IRX5: variants seen among roughly 807,000 people sequenced by gnomAD.
IRX5 encodes the protein iroquois homeobox 5.
In IRX5, 8 loss-of-function variants were observed where a neutral mutation model predicts 37.6. The ratio of observed to expected loss-of-function variants is 0.21; its 90% CI spans 0.12 to 0.38. The LOEUF is 0.38. Ranked by LOEUF, IRX5 falls within the 10% of genes least tolerant of loss-of-function variation. The pLI is 1.00. For missense variants in IRX5, 635 were observed against 695.2 expected (o/e 0.91, Z 0.97); for synonymous variants, 359 against 328.6 (o/e 1.09, Z -1.00).
rs1413814133 is a variant in IRX5, at chr16:54,932,310, G to A, written c.250-188G>A. Reference sequence around the variant, plus strand: ...ACCTGACCCAGAAATTGAGGTCCCCGCTGCCTTCTGAGGAGGGGGAGGAGT... The same window carrying A: ...ACCTGACCCAGAAATTGAGGTCCCCACTGCCTTCTGAGGAGGGGGAGGAGT... On this transcript the variant is annotated intron_variant, in intron 1 of 2. Coordinates refer to ENST00000394636, the MANE Select transcript of IRX5 (RefSeq NM_005853.6). The surrounding 1 kb of genome is among the most constrained non-coding windows in gnomAD (Gnocchi z 6.7). The A allele has an allele frequency of 2.9e-5, 20 of 694,870 alleles. No individual in the cohort carries two copies. Among genetic ancestry groups the A allele is most frequent in the Non-Finnish European group, 4.4e-5 (18 of 413,708 alleles). 43.0% of individuals were successfully genotyped at this position (694,870 alleles called of 1,614,324 possible).
chr16:54,932,587 C>T lies in IRX5; in HGVS notation c.339C>T (p.Asp113=). 6.2e-7 allele frequency: 1 copy of T among 1,614,060 alleles called. No individual in the cohort carries two copies. Among genetic ancestry groups the T allele is most frequent in the East Asian group, 2.2e-5 (1 of 44,846 alleles). ...AAPLGSYPYG[D]PAYRKNATRD... is the part of the protein sequence containing the mutation. Reference sequence around the variant, plus strand: ...CCCTGGGATCGTACCCTTACGGGGACCCAGCGTACCGGAAGAACGCCACAA... The same window carrying T: ...CCCTGGGATCGTACCCTTACGGGGATCCAGCGTACCGGAAGAACGCCACAA... Residue 113 remains aspartate (D), a synonymous_variant, in exon 2 of 3, where the codon GAC becomes GAT. Transcript: ENST00000394636. The surrounding 1 kb of genome is among the most constrained non-coding windows in gnomAD (Gnocchi z 6.7).
At chr16:54,931,676 G>T (rs1805532472) in intron 1 of IRX5, among the ~76,000 whole-genome samples, 1 of 152,248 alleles carries the variant, frequency 6.6e-6, no homozygotes, top group African/African-American at 2.4e-5. Context: ...GCGGGAAGGG[G>T]TTCTGTGGGG....
rs1461089848 is a variant in IRX5, at chr16:54,931,436, T to C, written c.238T>C (p.Ser80Pro). 1.9e-6 allele frequency: 3 copies of C among 1,585,772 alleles called. No individual in the cohort carries two copies. The change falls in exon 1 of 3, where the codon TCC becomes CCC. Residue 80 changes from serine (S) to proline (P), a missense_variant. Coordinates refer to ENST00000394636, the MANE Select transcript of IRX5 (RefSeq NM_005853.6). ...CGCGGCCGCCGCCGCCGCCGCCTTC[T>C]CCTCGTACGTGGTAAGTGAGCGGGA... ...DPAAAAAAAF[S>P]SYVGSPYDHT... is the part of the protein sequence containing the mutation.
chr16:54,931,983 C>G (rs1963902889), intron 1 of IRX5: 1 of 658,754 alleles, frequency 1.5e-6, no homozygotes, highest in Non-Finnish European at 2.8e-6. Flanking sequence ...GTTGTAACTT[C>G]GGTCTGGGGT....
chr16:54,932,369 C>G lies in IRX5; in HGVS notation c.250-129C>G. On this transcript the variant is annotated intron_variant, in intron 1 of 2. Coordinates refer to ENST00000394636, the MANE Select transcript of IRX5 (RefSeq NM_005853.6). This position sits in a 1 kb window ranked among gnomAD's most constrained non-coding sequence, Gnocchi z 6.7. ...GGTCTGAACCCCGCCAGCCTTGCCC[C>G]GTAGGAAGCTGGAGTGCGGGCCTCG... 1 of 1,075,682 alleles carries G rather than the reference C, an allele frequency of 9.3e-7. No homozygotes were observed. Among genetic ancestry groups the G allele is most frequent in the Non-Finnish European group, 1.3e-6 (1 of 762,424 alleles). The allele number at this position is 1,075,682 out of a possible 1,614,324, so 66.6% of individuals were successfully genotyped here. A position where few individuals can be genotyped will look rare whatever the true frequency, so the allele number is the denominator to read the frequency against.
chr16:54,934,388 A>G lies in IRX5; in HGVS notation c.*515A>G, dbSNP rs1353765290. On this transcript the variant is annotated 3_prime_UTR_variant, in exon 3 of 3. Transcript: ENST00000394636. ...TGAAAGAAACTGCAGGCGCCTTTGT[A>G]AAATGCAAAATATTTAATTAAAAGA... 1.3e-5 allele frequency: 2 copies of G among 152,676 alleles called. No homozygotes were observed. Among genetic ancestry groups the G allele is most frequent in the Non-Finnish European group, 2.9e-5 (2 of 68,050 alleles). 9.5% of individuals were successfully genotyped at this position (152,676 alleles called of 1,614,324 possible).
rs755385146 is a variant in IRX5 at position 54,933,377 on chromosome 16, C to G, written c.956C>G (p.Ser319Trp). 2 of 1,535,900 alleles carry G rather than the reference C, an allele frequency of 1.3e-6. No homozygotes were observed. The highest frequency in any genetic ancestry group is 4.0e-5 in the Admixed American group (2 of 50,144). Residue 319 changes from serine (S) to tryptophan (W), a missense_variant, in exon 3 of 3, where the codon TCG becomes TGG. Transcript: ENST00000394636. Reference protein sequence around the residue: ...PGPGGPSVIHSPPPPPPPAVL... With the variant: ...PGPGGPSVIHWPPPPPPPAVL... ...CCCGGCGGGCCCTCGGTTATCCATTCGCCGCCTCCGCCGCCGCCTCCTGCG... is the reference window on the plus strand; with the variant it reads ...CCCGGCGGGCCCTCGGTTATCCATTGGCCGCCTCCGCCGCCGCCTCCTGCG...
Position 54,931,178 on chromosome 16 carries a change from G to GC in IRX5, c.-17dup. ...CTCGTTGGCGGCCGCGGCGCGGCGCGCCCCATGCCCGTGTGTGGCCATGTC... is the reference window on the plus strand; with the variant it reads ...CTCGTTGGCGGCCGCGGCGCGGCGCGCCCCCATGCCCGTGTGTGGCCATGTC... On this transcript the variant is annotated 5_prime_UTR_variant, in exon 1 of 3. Coordinates refer to ENST00000394636, the MANE Select transcript of IRX5 (RefSeq NM_005853.6). 1 of 1,381,266 alleles carries GC rather than the reference G, an allele frequency of 7.2e-7. No homozygotes were observed. Among genetic ancestry groups the GC allele is most frequent in the Non-Finnish European group, 9.4e-7 (1 of 1,063,924 alleles). The allele number at this position is 1,381,266 out of a possible 1,614,324, so 85.6% of individuals were successfully genotyped here. A position where few individuals can be genotyped will look rare whatever the true frequency, so the allele number is the denominator to read the frequency against.
In IRX5 at chr16:54,932,093, T is replaced by A. The variant is rs1431716040; in HGVS notation, c.250-405T>A. 2 of 702,706 alleles carry A rather than the reference T, an allele frequency of 2.8e-6. No homozygotes were observed. The highest frequency in any genetic ancestry group is 5.4e-5 in the East Asian group (2 of 37,262). 43.5% of individuals were successfully genotyped at this position (702,706 alleles called of 1,614,324 possible). On this transcript the variant is annotated intron_variant, in intron 1 of 2. Coordinates refer to ENST00000394636, the MANE Select transcript of IRX5 (RefSeq NM_005853.6). The surrounding 1 kb of genome is among the most constrained non-coding windows in gnomAD (Gnocchi z 6.7). ...AAAAAAGAGCCTTGACTTCCCTTGT[T>A]TTCCCCCCTTGCGCCCAACGTGCGT...
rs866694907 is a variant in IRX5, at chr16:54,932,131, C to G, written c.250-367C>G. On this transcript the variant is annotated intron_variant, in intron 1 of 2. Coordinates refer to ENST00000394636, the MANE Select transcript of IRX5 (RefSeq NM_005853.6). The surrounding 1 kb of genome is among the most constrained non-coding windows in gnomAD (Gnocchi z 6.7). ...GCCCAACGTGCGTCCGCTCCCCCGC[C>G]GAGCGCGGAGTCGCCTCAGTTGCCC... 4.3e-5 allele frequency: 30 copies of G among 702,800 alleles called. No individual in the cohort carries two copies. Among genetic ancestry groups the G allele is most frequent in the African/African-American group, 4.2e-4 (24 of 57,266 alleles). The allele number at this position is 702,800 out of a possible 1,614,324, so 43.5% of individuals were successfully genotyped here. A position where few individuals can be genotyped will look rare whatever the true frequency, so the allele number is the denominator to read the frequency against.
In IRX5 at chr16:54,933,149, C is replaced by G. The variant is rs770378226; in HGVS notation, c.728C>G (p.Thr243Arg). Residue 243 changes from threonine to arginine, a missense_variant, in exon 3 of 3, where the codon ACG (threonine) becomes AGG (arginine). Transcript: ENST00000394636. ...CCACCCACCCCTGCAGGCAAGGAGA[C>G]GGAGGGCAGCCTCAGCGACTCGGAT... ...QGPPTPAGKETEGSLSDSDFK... is the reference protein window; with the variant it reads ...QGPPTPAGKEREGSLSDSDFK... The G allele has an allele frequency of 2.5e-6, 4 of 1,580,016 alleles. No individual in the cohort carries two copies. Among genetic ancestry groups the G allele is most frequent in the Non-Finnish European group, 2.6e-6 (3 of 1,170,502 alleles).
chr16:54,933,218 G>C lies in IRX5; in HGVS notation c.797G>C (p.Gly266Ala), dbSNP rs755295223. The change falls in exon 3 of 3, where the codon GGC becomes GCC. Residue 266 changes from glycine to alanine, a missense_variant. Around this residue, in one of 5 missense-constraint regions of IRX5, gnomAD observed 244 missense variants for 205.4 expected, o/e 1.19. Coordinates refer to ENST00000394636, the MANE Select transcript of IRX5 (RefSeq NM_005853.6). The stretch of plus-strand genomic sequence containing the variant: ...GAGGGCCGCCTCGACGCGCTGCAGG[G>C]CCCCCCCCGCACCGGCGGGCCCTCC... ...PSEGRLDALQ[G>A]PPRTGGPSPA... is the part of the protein sequence containing the mutation. 104 of 1,499,022 alleles carry C rather than the reference G, an allele frequency of 6.9e-5. No homozygotes were observed. In the African/African-American group the frequency reaches 8.9e-4, roughly 13 times the overall value. The allele number at this position is 1,499,022 out of a possible 1,614,324, so 92.9% of individuals were successfully genotyped here. A position where few individuals can be genotyped will look rare whatever the true frequency, so the allele number is the denominator to read the frequency against.
rs1180456488 is a variant in IRX5 at position 54,933,165 on chromosome 16, C to T, written c.744C>T (p.Ser248=). 5.1e-6 allele frequency: 8 copies of T among 1,570,766 alleles called. No individual in the cohort carries two copies. In the African/African-American group the frequency reaches 8.1e-5, roughly 16 times the overall value. The change falls in exon 3 of 3, where the codon AGC becomes AGT. Residue 248 remains serine (S), a synonymous_variant. Coordinates refer to ENST00000394636, the MANE Select transcript of IRX5 (RefSeq NM_005853.6). ...GCAAGGAGACGGAGGGCAGCCTCAG[C>T]GACTCGGATTTTAAGGAGCCGCCCT... ...PAGKETEGSL[S]DSDFKEPPSE... is the part of the protein sequence containing the mutation.
rs777966523 is a variant in IRX5 at position 54,933,040 on chromosome 16, G to A, written c.656-37G>A. On this transcript the variant is annotated intron_variant, in intron 2 of 2. Coordinates refer to ENST00000394636, the MANE Select transcript of IRX5 (RefSeq NM_005853.6). ...GGCGGGAACCGGGTCCCGCCGCGCG[G>A]CCTCTGCGCCCCTGACAGCCTGGGT... 3.7e-6 allele frequency: 6 copies of A among 1,603,574 alleles called. No individual in the cohort carries two copies. In the African/African-American group the frequency reaches 5.4e-5, roughly 14 times the overall value.
intron 1 of IRX5, 72 bp downstream of exon 1, chr16:54,931,519 A>G: frequency 6.9e-7 from 1 of 1,457,140 alleles, no homozygotes; most frequent in Non-Finnish European, 9.0e-7. Context: ...GGAGGGGGAC[A>G]CGGGCCTAGG....
chr16:54,931,172 C>A lies in IRX5; in HGVS notation c.-27C>A. ...GCCCGGCTCGTTGGCGGCCGCGGCG[C>A]GGCGCGCCCCATGCCCGTGTGTGGC... On this transcript the variant is annotated 5_prime_UTR_variant, in exon 1 of 3. Coordinates refer to ENST00000394636, the MANE Select transcript of IRX5 (RefSeq NM_005853.6). 7.4e-7 allele frequency: 1 copy of A among 1,360,276 alleles called. No homozygotes were observed. Among genetic ancestry groups the A allele is most frequent in the African/African-American group, 1.5e-5 (1 of 66,274 alleles). The allele number at this position is 1,360,276 out of a possible 1,614,324, so 84.3% of individuals were successfully genotyped here. A position where few individuals can be genotyped will look rare whatever the true frequency, so the allele number is the denominator to read the frequency against.
chr16:54,931,412 G>C lies in IRX5; in HGVS notation c.214G>C (p.Ala72Pro). Residue 72 changes from alanine (A) to proline (P), a missense_variant, in exon 1 of 3, where the codon GCG (alanine) becomes CCG (proline). Physicochemically the swap from Ala to Pro is conservative, Grantham distance 27. Coordinates refer to ENST00000394636, the MANE Select transcript of IRX5 (RefSeq NM_005853.6). The part of the protein sequence containing the change: ...NSHLQYGADP[A>P]AAAAAAFSSY... ...GCACCTCCAGTACGGCGCCGACCCC[G>C]CGGCCGCCGCCGCCGCCGCCTTCTC... is the stretch of plus-strand genomic sequence containing the variant. 3 of 1,593,010 alleles carry C rather than the reference G, an allele frequency of 1.9e-6. No individual in the cohort carries two copies. The highest frequency in any genetic ancestry group is 2.5e-6 in the Non-Finnish European group (3 of 1,176,572).
chr16:54,931,959 G>C, intron 1 of IRX5: 1 of 639,942 alleles, frequency 1.6e-6, no homozygotes, highest in Non-Finnish European at 2.8e-6. Context: ...GTGCATCCGG[G>C]ATTTTTCGGC....
Position 54,932,437 on chromosome 16 carries a change from G to C in IRX5, c.250-61G>C, listed in dbSNP as rs770716435. 3 of 1,531,578 alleles carry C rather than the reference G, an allele frequency of 2.0e-6. No homozygotes were observed. The highest frequency in any genetic ancestry group is 1.8e-6 in the Non-Finnish European group (2 of 1,137,248). 94.9% of individuals were successfully genotyped at this position (1,531,578 alleles called of 1,614,324 possible). On this transcript the variant is annotated intron_variant, in intron 1 of 2. Transcript: ENST00000394636. This position sits in a 1 kb window ranked among gnomAD's most constrained non-coding sequence, Gnocchi z 6.7. ...GGGAGCGCAGGGAAAAGGGTGCTTCGGTCGTTCCGATGGCAGTGGAGACCA... is the reference window on the plus strand; with the variant it reads ...GGGAGCGCAGGGAAAAGGGTGCTTCCGTCGTTCCGATGGCAGTGGAGACCA...
Sources: allele counts gnomAD v4.1 joint callset (sites outside exome capture counted in the v4.1 genomes callset), GRCh38; gene constraint gnomAD v4.1.1; regional missense constraint gnomAD v4.1.1; non-coding constraint Gnocchi (gnomAD v3.1); transcripts MANE v1.5; gene names NCBI Gene and HGNC (gene_info 2026-07-23, HGNC 2026-07-21).